Variants in STRN observed in about 807,000 individuals in gnomAD.
STRN encodes the protein striatin.
In STRN, 53 loss-of-function variants were observed where a neutral mutation model predicts 96.3. The ratio of observed to expected loss-of-function variants is 0.55; its 90% confidence interval spans 0.44 to 0.69. The LOEUF (loss-of-function observed/expected upper bound fraction) is 0.69. Among genes scored for constraint, STRN ranks in the 30% least tolerant of loss-of-function variants. The pLI is 0.00. For missense variants in STRN, 987 were observed against 963.9 expected, an observed-to-expected ratio of 1.02 and a Z score of -0.32; for synonymous variants, 428 against 355.9, an observed-to-expected ratio of 1.20 and a Z score of -2.28.
At chr2:36,884,549 C>A (rs747131304) in intron 8 of STRN, among the ~76,000 whole-genome samples, 16 of 152,142 alleles carry the variant, frequency 1.1e-4, no homozygotes, top group Non-Finnish European at 2.1e-4. Flanking sequence ...TCTCCCACAT[C>A]CCTGTTTTGA....
chr2:36,874,790 G>A (rs904249014), intron 10 of STRN, among the ~76,000 whole-genome samples: 3 of 149,002 alleles, frequency 2.0e-5, no homozygotes, highest in Non-Finnish European at 3.0e-5. Flanking sequence ...ACCCACTCAG[G>A]CTAAACAAAG....
intron 5 of STRN, among the ~76,000 whole-genome samples, chr2:36,901,519 T>A (rs1669683081): frequency 7.0e-6 from 1 of 141,896 alleles, no homozygotes; most frequent in Non-Finnish European, 1.5e-5. Flanking sequence ...GCCACTGCAC[T>A]CCAGCCTGGG....
At chr2:36,926,814 T>C (rs1238231240) in intron 1 of STRN, among the ~76,000 whole-genome samples, 7 of 152,120 alleles carry the variant, frequency 4.6e-5, no homozygotes, top group Admixed American at 6.6e-5. Context: ...ACAAGACTCT[T>C]TTGAAATTAT....
intron 1 of STRN, among the ~76,000 whole-genome samples, chr2:36,958,932 C>T (rs1020432509): frequency 2.6e-5 from 4 of 152,120 alleles, no homozygotes; most frequent in African/African-American, 4.8e-5. Context: ...CTAGCTGACA[C>T]AGTGAAACCC....
rs1224278792 is a variant in STRN at position 36,877,883 on chromosome 2, C to T, written c.1323+8G>A. ...AGTAAACACAACAAAAACAAAACTA[C>T]TACTTACATCATAAGTTAGTGAGTC... On this transcript the variant is annotated splice_region_variant and intron_variant, in intron 10 of 17. Transcript: ENST00000263918. 1 of 1,612,926 alleles carries T rather than the reference C, an allele frequency of 6.2e-7. No individual in the cohort carries two copies. Among genetic ancestry groups the T allele is most frequent in the East Asian group, 2.2e-5 (1 of 44,854 alleles).
At chr2:36,923,997 T>C (rs1185270893) in intron 2 of STRN, among the ~76,000 whole-genome samples, 1 of 151,850 alleles carries the variant, frequency 6.6e-6, no homozygotes, top group African/African-American at 2.4e-5. Context: ...ACTAGCAAAA[T>C]AGAAAGGTAA....
chr2:36,966,164 G>C, intron 1 of STRN, 66 bp downstream of exon 1: 1 of 1,385,882 alleles, frequency 7.2e-7, no homozygotes, highest in Middle Eastern at 2.6e-4. Flanking sequence ...GGGGAGAAGG[G>C]TCCGGGGCGG....
intron 2 of STRN, among the ~76,000 whole-genome samples, chr2:36,924,756 T>C (rs1255140405): frequency 3.3e-5 from 5 of 152,184 alleles, no homozygotes; most frequent in Admixed American, 6.5e-5. Context: ...TATTCCAACA[T>C]TTAAGAGACC....
chr2:36,901,580 A>G (rs1669685660), intron 5 of STRN, among the ~76,000 whole-genome samples: 1 of 151,666 alleles, frequency 6.6e-6, no homozygotes, highest in Non-Finnish European at 1.5e-5. Context: ...CATTTATACT[A>G]TCTAAGTTAA....
chr2:36,859,752 G>A (rs1444297545), intron 13 of STRN, among the ~76,000 whole-genome samples: 1 of 152,038 alleles, frequency 6.6e-6, no homozygotes, highest in Non-Finnish European at 1.5e-5. Flanking sequence ...TGTCACAAAG[G>A]GTCAAAAAGC....
chr2:36,876,141 G>T (rs866511943), intron 10 of STRN, among the ~76,000 whole-genome samples: 2 of 151,904 alleles, frequency 1.3e-5, no homozygotes, highest in African/African-American at 4.8e-5. Context: ...GTGATGGTGC[G>T]TGCCTATGGT....
At chr2:36,963,669 T>C (rs1647019211) in intron 1 of STRN, among the ~76,000 whole-genome samples, 1 of 152,068 alleles carries the variant, frequency 6.6e-6, no homozygotes, top group Non-Finnish European at 1.5e-5. Flanking sequence ...AAAAAAGTAG[T>C]GTCCTTGGCC....
intron 1 of STRN, among the ~76,000 whole-genome samples, chr2:36,955,418 G>A (rs766702305): frequency 3.3e-5 from 5 of 152,244 alleles, no homozygotes; most frequent in Non-Finnish European, 4.4e-5. Flanking sequence ...ATGTGCATAT[G>A]CATGCGTGTG....
intron 7 of STRN, among the ~76,000 whole-genome samples, chr2:36,887,914 T>C (rs1199317082): frequency 6.6e-6 from 1 of 152,176 alleles, no homozygotes; most frequent in Non-Finnish European, 1.5e-5. Context: ...GAATGCTAGC[T>C]TGAACCCAAG....
chr2:36,888,658 T>TGTGTGTGC (rs1204366998), intron 7 of STRN, among the ~76,000 whole-genome samples: 4 of 151,732 alleles, frequency 2.6e-5, no homozygotes, highest in Non-Finnish European at 5.9e-5. Context: ...TGTGTGTGTG[T>TGTGTGTGC]GTGTGTGTGT....
intron 6 of STRN, among the ~76,000 whole-genome samples, chr2:36,898,046 C>T (rs1332102445): frequency 6.6e-6 from 1 of 151,994 alleles, no homozygotes; most frequent in Non-Finnish European, 1.5e-5. Flanking sequence ...ATGTTGTTTA[C>T]TTAAAAAGAC....
chr2:36,883,799 AT>A, intron 9 of STRN, 132 bp downstream of exon 9: 1 of 891,302 alleles, frequency 1.1e-6, no homozygotes, highest in Non-Finnish European at 1.5e-6. Context: ...GAAAGCTTGC[AT>A]TTGGGGAAAA....
chr2:36,858,043 T>C lies in STRN; in HGVS notation c.1670-20A>G, dbSNP rs199770616. 4.9e-4 allele frequency: 747 copies of C among 1,533,662 alleles called. 2 individuals carry two copies. Among genetic ancestry groups the C allele is most frequent in the Non-Finnish European group, 4.7e-4 (533 of 1,134,646 alleles). On this transcript the variant is annotated intron_variant, in intron 13 of 17. Transcript: ENST00000263918. ...AAGGATCTATACAAAACAGTAAAAA[T>C]GCAAAATCAGGAGAAAAACAACCAC... is the stretch of plus-strand genomic sequence containing the variant.
At chr2:36,942,573 C>T (rs964997381) in intron 1 of STRN, among the ~76,000 whole-genome samples, 1 of 152,172 alleles carries the variant, frequency 6.6e-6, no homozygotes, top group African/African-American at 2.4e-5. Context: ...TAAGCGGGAT[C>T]AACAGGTCAA....
Sources: allele counts gnomAD v4.1 joint callset (sites outside exome capture counted in the v4.1 genomes callset), GRCh38; gene constraint gnomAD v4.1.1; transcripts MANE v1.5; gene names NCBI Gene and HGNC (gene_info 2026-07-23, HGNC 2026-07-21).